Variants in RAB20 observed in about 807,000 individuals in gnomAD.
The protein encoded by RAB20 is ras-related protein Rab-20.
A neutral mutation model predicts 3.7 loss-of-function variants in RAB20; 2 were observed. The observed-to-expected ratio is 0.54, with a 90% confidence interval of 0.22 to 1.69. The LOEUF is 1.69. Among genes scored for constraint, RAB20 ranks in the 40% most tolerant of loss-of-function variants. RAB20 has a pLI of 0.19. For missense variants in RAB20, 276 were observed against 311.9 expected, an observed-to-expected ratio of 0.88 and a Z score of 0.87; for synonymous variants, 126 against 130.8, an observed-to-expected ratio of 0.96 and a Z score of 0.25.
chr13:110,531,099 T>C (rs937310321), intron 1 of RAB20, among the ~76,000 whole-genome samples: 2 of 152,202 alleles, frequency 1.3e-5, no homozygotes, highest in Non-Finnish European at 2.9e-5. Flanking sequence ...ATTATGCTCG[T>C]GCAGGCTTCC....
chr13:110,540,413 T>G (rs1341663901), intron 1 of RAB20, among the ~76,000 whole-genome samples: 1 of 152,244 alleles, frequency 6.6e-6, no homozygotes, highest in East Asian at 1.9e-4. Flanking sequence ...AAGTCAAGAC[T>G]GAATTATAAA....
rs918119906 is a variant in RAB20, at chr13:110,523,550, C to T, written c.*115G>A. Reference sequence around the variant, plus strand: ...TCATTTCCACTCCAACATTCTGCTGCGGGTGTCATTCTGGAAAATAATTCC... The same window carrying T: ...TCATTTCCACTCCAACATTCTGCTGTGGGTGTCATTCTGGAAAATAATTCC... On this transcript the variant is annotated 3_prime_UTR_variant, in exon 2 of 2. Transcript: ENST00000267328. 13 of 1,476,286 alleles carry T rather than the reference C, an allele frequency of 8.8e-6. No individual in the cohort carries two copies. The Admixed American group carries it at 1.2e-4, about 14-fold the overall frequency. The allele number at this position is 1,476,286 out of a possible 1,614,324, so 91.4% of individuals were successfully genotyped here. A position where few individuals can be genotyped will look rare whatever the true frequency, so the allele number is the denominator to read the frequency against.
chr13:110,535,239 CTCTAAG>C (rs1213247835), intron 1 of RAB20, among the ~76,000 whole-genome samples: 1 of 152,230 alleles, frequency 6.6e-6, no homozygotes, highest in Non-Finnish European at 1.5e-5. Flanking sequence ...CTAGCCACAT[CTCTAAG>C]TCCAAGCCAC....
intron 1 of RAB20, among the ~76,000 whole-genome samples, chr13:110,542,773 G>C (rs1186536322): frequency 6.6e-6 from 1 of 152,222 alleles, no homozygotes; most frequent in Non-Finnish European, 1.5e-5. Context: ...CGGGAGTGCA[G>C]ACATCTCTGA....
chr13:110,558,981 C>G lies in RAB20; in HGVS notation c.172+2367G>C, dbSNP rs546137249. The stretch of plus-strand genomic sequence containing the variant: ...AAAGTGCTGGGATTACAGGCATGAG[C>G]CACCACGCCTGGCCCCATCTTTAAC... On this transcript the variant is annotated intron_variant, in intron 1 of 1. Coordinates refer to ENST00000267328, the MANE Select transcript of RAB20 (RefSeq NM_017817.3). Among the ~76,000 whole-genome samples, 48 of 152,286 alleles carry G rather than the reference C, an allele frequency of 3.2e-4. 1 individual carries two copies. Among genetic ancestry groups the G allele is most frequent in the Non-Finnish European group, 6.0e-4 (41 of 68,032 alleles).
intron 1 of RAB20, among the ~76,000 whole-genome samples, chr13:110,540,508 C>T (rs1027193992): frequency 2.6e-4 from 40 of 152,144 alleles, no homozygotes; most frequent in Non-Finnish European, 4.0e-4. Context: ...TTTGGGAGGC[C>T]GAGGCAGGTG....
intron 1 of RAB20, among the ~76,000 whole-genome samples, chr13:110,558,031 G>C (rs1885068636): frequency 6.6e-6 from 1 of 152,260 alleles, no homozygotes; most frequent in Admixed American, 6.5e-5. Context: ...GCAGCGGCCA[G>C]CCGGCCTGCT....
At chr13:110,543,094 T>G (rs1188195701) in intron 1 of RAB20, among the ~76,000 whole-genome samples, 1 of 152,216 alleles carries the variant, frequency 6.6e-6, no homozygotes, top group East Asian at 1.9e-4. Context: ...TGTCTTCTTT[T>G]GAGAAATGTC....
At chr13:110,554,962 A>G (rs981978559) in intron 1 of RAB20, among the ~76,000 whole-genome samples, 3 of 145,520 alleles carry the variant, frequency 2.1e-5, no homozygotes, top group African/African-American at 7.7e-5. Context: ...AAGGGCAGGA[A>G]GACCAAGCTG....
At chr13:110,544,905 T>C (rs987554202) in intron 1 of RAB20, among the ~76,000 whole-genome samples, 1 of 152,242 alleles carries the variant, frequency 6.6e-6, no homozygotes, top group African/African-American at 2.4e-5. Context: ...AGGGAGGCAA[T>C]TGAATCATGG....
At chr13:110,534,513 C>T (rs1257188490) in intron 1 of RAB20, among the ~76,000 whole-genome samples, 1 of 152,222 alleles carries the variant, frequency 6.6e-6, no homozygotes, top group Non-Finnish European at 1.5e-5. Context: ...GCCCCTCAGC[C>T]AAACAAATGT....
chr13:110,527,942 C>CAT (rs148677760), intron 1 of RAB20, among the ~76,000 whole-genome samples: 1 of 122,420 alleles, frequency 8.2e-6, no homozygotes, highest in Non-Finnish European at 1.7e-5. Flanking sequence ...CACACACACA[C>CAT]ATACACTTTA....
At chr13:110,543,055 T>A (rs989825595) in intron 1 of RAB20, among the ~76,000 whole-genome samples, 1 of 152,220 alleles carries the variant, frequency 6.6e-6, no homozygotes, top group African/African-American at 2.4e-5. Flanking sequence ...ATATTGAACA[T>A]TTTTTCATAT....
chr13:110,523,821 G>A lies in RAB20; in HGVS notation c.549C>T (p.Ser183=), dbSNP rs902603227. 15 of 1,614,076 alleles carry A rather than the reference G, an allele frequency of 9.3e-6. No individual in the cohort carries two copies. The highest frequency in any genetic ancestry group is 1.6e-4 in the Middle Eastern group (1 of 6,084). ...PAAEQMCFET[S]AKTGYNVDLL... is the part of the protein sequence containing the mutation. ...GGTCCACATTGTAGCCGGTCTTGGC[G>A]CTGGTCTCAAAGCACATTTGCTCAG... Residue 183 remains serine, a synonymous_variant, in exon 2 of 2, where the codon AGC becomes AGT. Transcript: ENST00000267328.
At chr13:110,547,530 G>C (rs1469405409) in intron 1 of RAB20, among the ~76,000 whole-genome samples, 2 of 152,160 alleles carry the variant, frequency 1.3e-5, no homozygotes, top group African/African-American at 4.8e-5. Context: ...ATGCATACTT[G>C]GAGCAATTCC....
intron 1 of RAB20, among the ~76,000 whole-genome samples, chr13:110,544,322 C>CA (rs1174786494): frequency 6.6e-6 from 1 of 152,162 alleles, no homozygotes; most frequent in Non-Finnish European, 1.5e-5. Flanking sequence ...TGAAGTCAGG[C>CA]AGTGTGATGC....
intron 1 of RAB20, among the ~76,000 whole-genome samples, chr13:110,553,178 A>G (rs1884986113): frequency 6.6e-6 from 1 of 152,214 alleles, no homozygotes; most frequent in African/African-American, 2.4e-5. Flanking sequence ...ATGTGGACCC[A>G]CATGTGCCTG....
rs116203753 is a variant in RAB20, at chr13:110,549,111, G to A, written c.172+12237C>T. 4.1e-3 allele frequency among the ~76,000 whole-genome samples: 621 copies of A among 152,336 alleles called. 3 individuals carry two copies. The highest frequency in any genetic ancestry group is 0.014 in the African/African-American group (584 of 41,572). On this transcript the variant is annotated intron_variant, in intron 1 of 1. Transcript: ENST00000267328. ...TTTCAGAGGCTTAAGACCAGTGTGCGGAGAGCGGTTAGGCCAGAGGGAGGA... is the reference window on the plus strand; with the variant it reads ...TTTCAGAGGCTTAAGACCAGTGTGCAGAGAGCGGTTAGGCCAGAGGGAGGA...
intron 1 of RAB20, among the ~76,000 whole-genome samples, chr13:110,550,517 T>C (rs144299775): frequency 2.2e-4 from 34 of 152,214 alleles, no homozygotes; most frequent in African/African-American, 6.7e-4. Context: ...TCCGGGTAGA[T>C]AGTGGCAGAA....
Sources: gnomAD v4.1 joint callset for allele counts (sites outside exome capture counted in the v4.1 genomes callset) on GRCh38, gnomAD v4.1.1 for gene constraint, MANE v1.5 for transcripts, NCBI Gene and HGNC (gene_info 2026-07-23, HGNC 2026-07-21) for gene names.